TNNI3: variants seen among roughly 807,000 people sequenced by gnomAD.
TNNI3 encodes troponin I3, cardiac type.
TNNI3 carries 23 observed loss-of-function variants against 31.5 expected under a neutral mutation model. The observed-to-expected ratio is 0.73, with a 90% CI of 0.52 to 1.03. The LOEUF (loss-of-function observed/expected upper bound fraction) is 1.03, where lower values mean the gene tolerates loss of function less well. Ranked by LOEUF, TNNI3 falls within the 50% of genes least tolerant of loss-of-function variation. The probability of loss-of-function intolerance (pLI) is 0.00; values close to 1 mark genes in which losing one functional copy is unlikely to be tolerated. For missense variants in TNNI3, 236 were observed against 282.9 expected (o/e 0.83, Z 1.19); for synonymous variants, 120 against 111.7 (o/e 1.07, Z -0.47).
At chr19:55,153,407 C>T (rs1203977502) in intron 7 of TNNI3, among the ~76,000 whole-genome samples, 1 of 152,132 alleles carries the variant, frequency 6.6e-6, no homozygotes, top group South Asian at 2.1e-4. Flanking sequence ...TAGGGTCTCA[C>T]TGTATTGCCC....
rs587782980 is a variant in TNNI3 at position 55,151,901 on chromosome 19, C to T, written c.566G>A (p.Gly189Glu). The T allele has an allele frequency of 2.5e-6, 4 of 1,614,104 alleles. No individual in the cohort carries two copies. Among genetic ancestry groups the T allele is most frequent in the Non-Finnish European group, 2.5e-6 (3 of 1,179,978 alleles). ...EDTEKENREV[G>E]DWRKNIDALS... is the part of the protein sequence containing the mutation. ...TGCATCGATGTTCTTGCGCCAGTCTCCCACCTCCCGGTTTTCCTGGAGGAT... is the reference window on the plus strand; with the variant it reads ...TGCATCGATGTTCTTGCGCCAGTCTTCCACCTCCCGGTTTTCCTGGAGGAT... The change falls in exon 8 of 8, where the codon GGA becomes GAA. Residue 189 changes from glycine (G) to glutamate (E), a missense_variant. Gly to Glu is a moderately conservative substitution (Grantham distance 98). Coordinates refer to ENST00000344887, the MANE Select transcript of TNNI3 (RefSeq NM_000363.5).
chr19:55,157,204 G>T lies in TNNI3; in HGVS notation c.25-71C>A. 6.3e-7 allele frequency: 1 copy of T among 1,594,636 alleles called. No individual in the cohort carries two copies. Among genetic ancestry groups the T allele is most frequent in the Admixed American group, 1.8e-5 (1 of 56,170 alleles). On this transcript the variant is annotated intron_variant, in intron 2 of 7. Coordinates refer to ENST00000344887, the MANE Select transcript of TNNI3 (RefSeq NM_000363.5). This position sits in a 1 kb window ranked among gnomAD's most constrained non-coding sequence, Gnocchi z 6.3. Reference sequence around the variant, plus strand: ...CAGCCCTTACCGTACCGCACCCTCTGCTAGGGCTGCAGCCTCCCGCCCCAG... The same window carrying T: ...CAGCCCTTACCGTACCGCACCCTCTTCTAGGGCTGCAGCCTCCCGCCCCAG...
chr19:55,156,813 T>G lies in TNNI3; in HGVS notation c.109-169A>C. The stretch of plus-strand genomic sequence containing the variant: ...CACGCCCCTCATTCCCATCCACCAA[T>G]CTGGGTCTCTTCCTTTGGATAGGCA... On this transcript the variant is annotated intron_variant, in intron 3 of 7. Transcript: ENST00000344887. The surrounding 1 kb of genome is among the most constrained non-coding windows in gnomAD (Gnocchi z 4.6). 1 of 871,942 alleles carries G rather than the reference T, an allele frequency of 1.1e-6. No individual in the cohort carries two copies. Among genetic ancestry groups the G allele is most frequent in the Non-Finnish European group, 1.8e-6 (1 of 540,582 alleles). 54.0% of individuals were successfully genotyped at this position (871,942 alleles called of 1,614,324 possible).
intron 6 of TNNI3, 128 bp from the exon 7 acceptor site, chr19:55,154,334 G>T: frequency 2.0e-6 from 2 of 986,020 alleles, no homozygotes; most frequent in Non-Finnish European, 3.1e-6. Context: ...GTCTCTTCCC[G>T]GCTTAGGCTC....
chr19:55,156,154 C>T lies in TNNI3; in HGVS notation c.282+47G>A. 7 of 1,612,568 alleles carry T rather than the reference C, an allele frequency of 4.3e-6. No homozygotes were observed. The highest frequency in any genetic ancestry group is 5.9e-6 in the Non-Finnish European group (7 of 1,179,694). ...AGCAGAAGAGGGGATAGAGGCTGTACTGCTGAATTCCGGGACTAGAAACCT... is the reference window on the plus strand; with the variant it reads ...AGCAGAAGAGGGGATAGAGGCTGTATTGCTGAATTCCGGGACTAGAAACCT... On this transcript the variant is annotated intron_variant, in intron 5 of 7. Coordinates refer to ENST00000344887, the MANE Select transcript of TNNI3 (RefSeq NM_000363.5). The surrounding 1 kb of genome is among the most constrained non-coding windows in gnomAD (Gnocchi z 4.6).
At position 55,157,041 on chromosome 19, in the gene TNNI3, C is replaced by G. The variant is rs1487680201; in HGVS notation, c.108+9G>C. The G allele has an allele frequency of 3.2e-6, 5 of 1,582,018 alleles. No homozygotes were observed. The South Asian group carries it at 5.8e-5, about 18-fold the overall frequency. ...GCCTGTACTCTGCCCCCAGGAAGCC[C>G]CGTCCCACCTTGGCGTGCGGCTCCG... On this transcript the variant is annotated intron_variant, in intron 3 of 7. Coordinates refer to ENST00000344887, the MANE Select transcript of TNNI3 (RefSeq NM_000363.5). The surrounding 1 kb of genome is among the most constrained non-coding windows in gnomAD (Gnocchi z 6.3).
chr19:55,156,203 G>A lies in TNNI3; in HGVS notation c.280C>T (p.Gln94Ter). Residue 94 changes from glutamine to a stop codon, truncating the protein, a stop_gained and splice_region_variant, in exon 5 of 8, where the codon CAG (glutamine) becomes TAG (stop). Coordinates refer to ENST00000344887, the MANE Select transcript of TNNI3 (RefSeq NM_000363.5). LOFTEE classifies it high-confidence loss of function. This position sits in a 1 kb window ranked among gnomAD's most constrained non-coding sequence, Gnocchi z 4.6. The part of the protein sequence containing the change: ...ELAGLGFAEL[Q>*]DLCRQLHARV... ...CTCGCATCCTTGGGAGCCGGTACCT[G>A]CAGCTCCGCGAAGCCCAGCCCGGCC... is the stretch of plus-strand genomic sequence containing the variant. 5 of 1,612,778 alleles carry A rather than the reference G, an allele frequency of 3.1e-6. No homozygotes were observed. Among genetic ancestry groups the A allele is most frequent in the East Asian group, 2.2e-5 (1 of 44,868 alleles).
chr19:55,152,818 G>C lies in TNNI3; in HGVS notation c.550-901C>G, dbSNP rs1676435079. Among the ~76,000 whole-genome samples, 1 of 152,044 alleles carries C rather than the reference G, an allele frequency of 6.6e-6. No homozygotes were observed. Among genetic ancestry groups the C allele is most frequent in the Non-Finnish European group, 1.5e-5 (1 of 67,996 alleles). ...CTTTTGTTCTGTTTTGTTTTGTTTT[G>C]AGATGGAGTCTCCCAGTGTTGCCTG... On this transcript the variant is annotated intron_variant, in intron 7 of 7. Transcript: ENST00000344887. This position sits in a 1 kb window ranked among gnomAD's most constrained non-coding sequence, Gnocchi z 4.0.
chr19:55,156,850 T>A lies in TNNI3; in HGVS notation c.108+200A>T. On this transcript the variant is annotated intron_variant, in intron 3 of 7. Transcript: ENST00000344887. The surrounding 1 kb of genome is among the most constrained non-coding windows in gnomAD (Gnocchi z 4.6). ...CCTTTGGATAGGCACTTCCCATCTA[T>A]CCCTAAGCAAGTCCGAGGGCAACGG... The A allele has an allele frequency of 1.2e-6, 1 of 834,778 alleles. No individual in the cohort carries two copies. The highest frequency in any genetic ancestry group is 1.9e-6 in the Non-Finnish European group (1 of 513,764). The allele number at this position is 834,778 out of a possible 1,614,324, so 51.7% of individuals were successfully genotyped here.
Position 55,154,063 on chromosome 19 carries a change from G to A in TNNI3, c.516C>T (p.His172=), listed in dbSNP as rs764527627. The stretch of plus-strand genomic sequence containing the variant: ...TGTCCTCCTTCTTCACCTGCTTGAG[G>A]TGGGCCCGCAGGTCCAGGGACTCCT... The part of the protein sequence containing the change: ...RAKESLDLRA[H]LKQVKKEDTE... The change falls in exon 7 of 8, where the codon CAC becomes CAT. Residue 172 remains histidine, a synonymous_variant. Coordinates refer to ENST00000344887, the MANE Select transcript of TNNI3 (RefSeq NM_000363.5). The A allele has an allele frequency of 1.2e-5, 20 of 1,612,208 alleles. No homozygotes were observed. The highest frequency in any genetic ancestry group is 8.9e-5 in the East Asian group (4 of 44,850).
chr19:55,153,298 G>A (rs972275216), intron 7 of TNNI3, among the ~76,000 whole-genome samples: 2 of 152,060 alleles, frequency 1.3e-5, no homozygotes, highest in African/African-American at 4.8e-5. Context: ...TTTATCATAG[G>A]TATGTATGTG....
rs748681078 is a variant in TNNI3, at chr19:55,157,665, C to T, written c.-76G>A. 4.2e-5 allele frequency: 66 copies of T among 1,580,612 alleles called. No homozygotes were observed. Among genetic ancestry groups the T allele is most frequent in the Non-Finnish European group, 5.2e-5 (60 of 1,153,074 alleles). On this transcript the variant is annotated 5_prime_UTR_variant, in exon 1 of 8. Transcript: ENST00000344887. The surrounding 1 kb of genome is among the most constrained non-coding windows in gnomAD (Gnocchi z 6.3). ...TTGGAGGGTCAGTGAGGGGGCCGCC[C>T]GGGTGACCTTCAGGGTCCCAGGGAC...
intron 5 of TNNI3, among the ~76,000 whole-genome samples, chr19:55,155,185 T>C (rs561710437): frequency 2.3e-4 from 5 of 21,456 alleles, no homozygotes; most frequent in Admixed American, 5.5e-4. Context: ...GGCCTGGACT[T>C]CAGGGTCTGA....
In TNNI3 at chr19:55,156,572, C is replaced by A; in HGVS notation, c.150+31G>T. The A allele has an allele frequency of 6.4e-7, 1 of 1,556,022 alleles. No homozygotes were observed. The highest frequency in any genetic ancestry group is 8.7e-7 in the Non-Finnish European group (1 of 1,148,866). ...TCAAGCTCCGCCCCCTGAGCACCTG[C>A]CTGCTCTTTCCCAGTCCCGCCCGTC... On this transcript the variant is annotated intron_variant, in intron 4 of 7. Coordinates refer to ENST00000344887, the MANE Select transcript of TNNI3 (RefSeq NM_000363.5). The surrounding 1 kb of genome is among the most constrained non-coding windows in gnomAD (Gnocchi z 4.6).
intron 7 of TNNI3, among the ~76,000 whole-genome samples, chr19:55,153,591 C>G (rs1488775061): frequency 6.6e-6 from 1 of 151,402 alleles, no homozygotes; most frequent in Non-Finnish European, 1.5e-5. Context: ...ACCTGTAGTC[C>G]CAGCTACTCG....
In TNNI3 at chr19:55,154,776, C is replaced by G; in HGVS notation, c.337G>C (p.Asp113His). Residue 113 changes from aspartate to histidine, a missense_variant, in exon 6 of 8, where the codon GAC becomes CAC. Transcript: ENST00000344887. ...RVDKVDEERY[D>H]IEAKVTKNIT... ...TTCTTGGTGACTTTTGCCTCTATGT[C>G]GTATCTCTCTTCATCCACCTTGTCC... The G allele has an allele frequency of 6.2e-7, 1 of 1,614,190 alleles. No homozygotes were observed. The highest frequency in any genetic ancestry group is 8.5e-7 in the Non-Finnish European group (1 of 1,180,010).
In TNNI3 at chr19:55,156,137, A is replaced by C. The variant is rs1403900591; in HGVS notation, c.282+64T>G. The C allele has an allele frequency of 8.7e-6, 14 of 1,611,738 alleles. No individual in the cohort carries two copies. Among genetic ancestry groups the C allele is most frequent in the Non-Finnish European group, 1.2e-5 (14 of 1,179,242 alleles). ...TGGACGCCTGGGTCCCGAGCAGAAG[A>C]GGGGATAGAGGCTGTACTGCTGAAT... is the stretch of plus-strand genomic sequence containing the variant. On this transcript the variant is annotated intron_variant, in intron 5 of 7. Coordinates refer to ENST00000344887, the MANE Select transcript of TNNI3 (RefSeq NM_000363.5). This position sits in a 1 kb window ranked among gnomAD's most constrained non-coding sequence, Gnocchi z 4.6.
In TNNI3 at chr19:55,157,054, G is replaced by T. The variant is rs1190447904; in HGVS notation, c.104C>A (p.Ala35Asp). Residue 35 changes from alanine (A) to aspartate (D), a missense_variant, in exon 3 of 8, where the codon GCC (alanine) becomes GAC (aspartate). Around this residue, in one of 4 missense-constraint regions of TNNI3, gnomAD observed 172 missense variants for 171.8 expected, o/e 1.00. Transcript: ENST00000344887. The surrounding 1 kb of genome is among the most constrained non-coding windows in gnomAD (Gnocchi z 6.3). The stretch of plus-strand genomic sequence containing the variant: ...CCCCAGGAAGCCCCGTCCCACCTTG[G>T]CGTGCGGCTCCGTGGCATAAGCGCG... ...NYRAYATEPH[A>D]KKKSKISASR... 1 of 1,591,018 alleles carries T rather than the reference G, an allele frequency of 6.3e-7. No homozygotes were observed. Among genetic ancestry groups the T allele is most frequent in the Non-Finnish European group, 8.5e-7 (1 of 1,171,696 alleles).
chr19:55,157,236 C>T lies in TNNI3; in HGVS notation c.24+60G>A, dbSNP rs1009014447. ...CTGCAGCCTCCCGCCCCAGACCCCT[C>T]ACTGCAGCGCCCACCCTGGCCCTGG... On this transcript the variant is annotated intron_variant, in intron 2 of 7. Transcript: ENST00000344887. This position sits in a 1 kb window ranked among gnomAD's most constrained non-coding sequence, Gnocchi z 6.3. The T allele has an allele frequency of 3.4e-5, 54 of 1,606,534 alleles. No individual in the cohort carries two copies. In the Admixed American group the frequency reaches 9.0e-4, roughly 27 times the overall value.
Sources: allele counts gnomAD v4.1 joint callset (sites outside exome capture counted in the v4.1 genomes callset), GRCh38; gene constraint gnomAD v4.1.1; regional missense constraint gnomAD v4.1.1; non-coding constraint Gnocchi (gnomAD v3.1); transcripts MANE v1.5; gene names NCBI Gene and HGNC (gene_info 2026-07-23, HGNC 2026-07-21).